The following SDK1 variants were observed in gnomAD, a reference collection of about 807,000 sequenced individuals.
SDK1 encodes the protein sidekick cell adhesion molecule 1.
A neutral mutation model predicts 245.5 loss-of-function variants in SDK1; 157 were observed. That is an observed-to-expected ratio of 0.64 (90% CI 0.56 to 0.73). The LOEUF is 0.73. Ranked by LOEUF, SDK1 falls within the 30% of genes least tolerant of loss-of-function variation. SDK1 has a pLI of 0.00. For synonymous variants in SDK1, 1,647 were observed against 1,278.5 expected (o/e 1.29, Z -6.15); for missense variants, 3,583 against 3,002.3 (o/e 1.19, Z -4.52).
At chr7:4,180,607 T>G (rs905545364) in intron 35 of SDK1, among the ~76,000 whole-genome samples, 3 of 152,258 alleles carry the variant, frequency 2.0e-5, no homozygotes, top group Non-Finnish European at 4.4e-5. Context: ...CTCACACTGC[T>G]GTAAAGGGAC....
At chr7:3,727,910 G>T (rs900887744) in intron 4 of SDK1, among the ~76,000 whole-genome samples, 2 of 152,178 alleles carry the variant, frequency 1.3e-5, no homozygotes, top group African/African-American at 4.8e-5. Context: ...TCCCATCCAG[G>T]ATACCACATT....
chr7:3,977,393 A>G (rs1783030603), intron 13 of SDK1, among the ~76,000 whole-genome samples: 1 of 106,444 alleles, frequency 9.4e-6, no homozygotes, highest in Non-Finnish European at 2.3e-5. Flanking sequence ...CCTCCAGAGA[A>G]TCACTGGGGG....
At chr7:3,410,007 G>C (rs899278908) in intron 1 of SDK1, among the ~76,000 whole-genome samples, 1 of 152,046 alleles carries the variant, frequency 6.6e-6, no homozygotes, top group African/African-American at 2.4e-5. Flanking sequence ...GTGCTTCAAT[G>C]TCCTCACCTG....
At chr7:3,994,745 G>A (rs73673216) in intron 14 of SDK1, among the ~76,000 whole-genome samples, 2 of 151,898 alleles carry the variant, frequency 1.3e-5, no homozygotes, top group Non-Finnish European at 2.9e-5. Flanking sequence ...TTTACCTCAT[G>A]CATTTTTATC....
chr7:3,518,290 T>A (rs1782813895), intron 1 of SDK1, among the ~76,000 whole-genome samples: 1 of 152,064 alleles, frequency 6.6e-6, no homozygotes, highest in Non-Finnish European at 1.5e-5. Flanking sequence ...GGGAAATAAT[T>A]TTATGAATAA....
At chr7:3,715,587 G>C (rs1346759737) in intron 4 of SDK1, among the ~76,000 whole-genome samples, 6 of 152,114 alleles carry the variant, frequency 3.9e-5, no homozygotes, top group African/African-American at 7.2e-5. Context: ...AAGGAGACCA[G>C]GACAGCTCTG....
intron 4 of SDK1, among the ~76,000 whole-genome samples, chr7:3,729,026 G>A (rs753303593): frequency 1.3e-5 from 2 of 152,190 alleles, no homozygotes; most frequent in African/African-American, 2.4e-5. Flanking sequence ...CCTGACCTTA[G>A]CCTTTGCGAT....
chr7:3,320,084 C>G (rs1562411251), intron 1 of SDK1, among the ~76,000 whole-genome samples: 2 of 151,840 alleles, frequency 1.3e-5, no homozygotes, highest in South Asian at 2.1e-4. Context: ...CAATTTATTC[C>G]CCCTTTCCTC....
chr7:4,183,659 AG>A (rs1782721830), intron 35 of SDK1, among the ~76,000 whole-genome samples: 2 of 151,184 alleles, frequency 1.3e-5, no homozygotes, highest in Non-Finnish European at 3.0e-5. Context: ...AAAAAAAAAA[AG>A]AAAGTATGCT....
At chr7:3,427,405 G>C (rs1420270955) in intron 1 of SDK1, among the ~76,000 whole-genome samples, 1 of 151,830 alleles carries the variant, frequency 6.6e-6, no homozygotes. Flanking sequence ...TGTAAATCCA[G>C]CTACTTGGGA....
intron 4 of SDK1, among the ~76,000 whole-genome samples, chr7:3,724,645 C>T (rs1040336408): frequency 3.3e-5 from 5 of 152,138 alleles, no homozygotes; most frequent in Non-Finnish European, 7.3e-5. Context: ...CCAAGAAAAG[C>T]CCTGGATAGG....
chr7:4,180,049 A>G (rs1318470945), intron 35 of SDK1, among the ~76,000 whole-genome samples: 2 of 152,072 alleles, frequency 1.3e-5, no homozygotes, highest in Non-Finnish European at 2.9e-5. Context: ...AGACGTCCAG[A>G]GAAAAGAGCT....
chr7:3,712,261 G>T (rs1162139651), intron 4 of SDK1, among the ~76,000 whole-genome samples: 1 of 152,078 alleles, frequency 6.6e-6, no homozygotes, highest in East Asian at 1.9e-4. Context: ...ATTCTCATAG[G>T]ACCGTGAACC....
intron 4 of SDK1, among the ~76,000 whole-genome samples, chr7:3,648,539 A>G (rs1381569423): frequency 1.3e-5 from 2 of 152,224 alleles, no homozygotes; most frequent in African/African-American, 4.8e-5. Flanking sequence ...TCTGATTCAT[A>G]ATTGTCCATG....
chr7:3,864,172 C>T (rs997920339), intron 5 of SDK1, among the ~76,000 whole-genome samples: 2 of 152,182 alleles, frequency 1.3e-5, no homozygotes, highest in African/African-American at 4.8e-5. Context: ...GTCTATTTTT[C>T]ATTCACTGTG....
chr7:3,921,567 C>G (rs1441373428), intron 5 of SDK1, among the ~76,000 whole-genome samples: 1 of 152,078 alleles, frequency 6.6e-6, no homozygotes, highest in Non-Finnish European at 1.5e-5. Context: ...CTTGCTAGCT[C>G]CAGCTTAAAA....
chr7:3,584,615 C>T (rs1780620637), intron 1 of SDK1, among the ~76,000 whole-genome samples: 1 of 152,154 alleles, frequency 6.6e-6, no homozygotes, highest in Non-Finnish European at 1.5e-5. Flanking sequence ...GGTATGCTGG[C>T]TTCTGAGAGA....
chr7:4,133,836 T>G (rs934249322), intron 28 of SDK1, among the ~76,000 whole-genome samples: 3 of 152,206 alleles, frequency 2.0e-5, no homozygotes, highest in African/African-American at 7.2e-5. Flanking sequence ...ACACCCCGAT[T>G]CGGCTAGCCT....
chr7:3,791,625 G>A (rs999659197), intron 4 of SDK1, among the ~76,000 whole-genome samples: 2 of 152,178 alleles, frequency 1.3e-5, no homozygotes, highest in Admixed American at 1.3e-4. Context: ...CTTGGGTGGG[G>A]AGGACGATTG....
Sources: gnomAD v4.1 joint callset for allele counts (sites outside exome capture counted in the v4.1 genomes callset) on GRCh38, gnomAD v4.1.1 for gene constraint, MANE v1.5 for transcripts, NCBI Gene and HGNC (gene_info 2026-07-23, HGNC 2026-07-21) for gene names.